The following NAALADL2 variants were observed in gnomAD, a reference collection of about 807,000 sequenced individuals.
NAALADL2 encodes the protein N-acetylated alpha-linked acidic dipeptidase like 2.
Under a neutral mutation model 87.2 loss-of-function variants are expected in NAALADL2, and 76 were observed. That is an observed-to-expected ratio of 0.87 (90% CI 0.72 to 1.05). The LOEUF is 1.05. Ranked by LOEUF, NAALADL2 falls within the 50% of genes least tolerant of loss-of-function variation. NAALADL2 has a pLI of 0.00. For synonymous variants in NAALADL2, 354 were observed against 331.0 expected (o/e 1.07, Z -0.75); for missense variants, 1,089 against 945.8 (o/e 1.15, Z -1.99).
rs1743777058 is a variant in NAALADL2 at position 175,223,888 on chromosome 3, A to G, written c.546-10043A>G. Among the ~76,000 whole-genome samples, 6 of 152,202 alleles carry G rather than the reference A, an allele frequency of 3.9e-5. No individual in the cohort carries two copies. The South Asian group carries it at 1.2e-3, about 31-fold the overall frequency. ...ACATTTGTAAATGTCTGGAGGTACTAGAGACTATGCTAAGGACTTTACATA... is the reference window on the plus strand; with the variant it reads ...ACATTTGTAAATGTCTGGAGGTACTGGAGACTATGCTAAGGACTTTACATA... On this transcript the variant is annotated intron_variant, in intron 2 of 13. Coordinates refer to ENST00000454872, the MANE Select transcript of NAALADL2 (RefSeq NM_207015.3).
At chr3:174,870,435 TGAG>T (rs1009546306) in intron 1 of NAALADL2, among the ~76,000 whole-genome samples, 1 of 152,150 alleles carries the variant, frequency 6.6e-6, no homozygotes, top group Admixed American at 6.6e-5. Context: ...ACTGAAATGA[TGAG>T]GACCTACTTT....
intron 9 of NAALADL2, among the ~76,000 whole-genome samples, chr3:175,529,109 A>G (rs1733781227): frequency 6.6e-6 from 1 of 152,210 alleles, no homozygotes; most frequent in Non-Finnish European, 1.5e-5. Flanking sequence ...ATCACAGGGC[A>G]TGGTAATACT....
chr3:174,522,467 C>T (rs901829374), intron 1 of NAALADL2, among the ~76,000 whole-genome samples: 20 of 151,802 alleles, frequency 1.3e-4, no homozygotes, highest in African/African-American at 4.6e-4. Context: ...TTGAGACCAG[C>T]TTGGATAACA....
chr3:175,653,205 G>A (rs1444342310), intron 11 of NAALADL2, among the ~76,000 whole-genome samples: 1 of 151,958 alleles, frequency 6.6e-6, no homozygotes, highest in Non-Finnish European at 1.5e-5. Context: ...ATATGGAGGA[G>A]ATGGAAGGGG....
intron 2 of NAALADL2, among the ~76,000 whole-genome samples, chr3:175,153,262 C>T (rs1731818603): frequency 6.6e-6 from 1 of 152,136 alleles, no homozygotes; most frequent in Non-Finnish European, 1.5e-5. Flanking sequence ...CCTGCTCCTC[C>T]CAGTCTCCAG....
At chr3:174,812,995 T>C (rs1288417502) in intron 3 of NAALADL2, among the ~76,000 whole-genome samples, 1 of 152,132 alleles carries the variant, frequency 6.6e-6, no homozygotes, top group African/African-American at 2.4e-5. Context: ...AAGAAAAACA[T>C]TTTAAATATA....
chr3:175,398,118 A>G (rs1770049888), intron 5 of NAALADL2, among the ~76,000 whole-genome samples: 1 of 152,098 alleles, frequency 6.6e-6, no homozygotes, highest in Admixed American at 6.6e-5. Flanking sequence ...TTTGGAGTGA[A>G]GGGAAGTGTG....
chr3:175,101,569 T>G (rs141088180), intron 2 of NAALADL2, among the ~76,000 whole-genome samples: 1,946 of 152,354 alleles, frequency 0.013, 48 homozygotes, highest in African/African-American at 0.044. Context: ...ATAATTGCTG[T>G]TTTGCCATCG....
At chr3:174,512,853 A>T (rs1487405516) in intron 1 of NAALADL2, among the ~76,000 whole-genome samples, 1 of 152,146 alleles carries the variant, frequency 6.6e-6, no homozygotes, top group Admixed American at 6.5e-5. Flanking sequence ...TGGTTTTCTT[A>T]ATAAGATGGG....
At chr3:174,930,262 A>AT (rs1736664837) in intron 1 of NAALADL2, among the ~76,000 whole-genome samples, 1 of 152,066 alleles carries the variant, frequency 6.6e-6, no homozygotes, top group Non-Finnish European at 1.5e-5. Context: ...TAGTGGGTTT[A>AT]TTTTTTATAT....
chr3:174,566,537 C>T (rs1418618676), intron 2 of NAALADL2, among the ~76,000 whole-genome samples: 4 of 151,778 alleles, frequency 2.6e-5, no homozygotes, highest in African/African-American at 9.6e-5. Context: ...TTAGTCATTT[C>T]TCTTCATATA....
intron 4 of NAALADL2, among the ~76,000 whole-genome samples, chr3:175,309,475 T>G (rs1246578923): frequency 3.3e-5 from 5 of 152,072 alleles, no homozygotes; most frequent in Admixed American, 2.6e-4. Context: ...CATGAGCCAC[T>G]GTGCCCAGCC....
intron 12 of NAALADL2, among the ~76,000 whole-genome samples, chr3:175,743,578 T>A (rs11717718): frequency 0.25 from 37,885 of 152,144 alleles, 5,132 homozygotes; most frequent in African/African-American, 0.35. Context: ...ACGTGAAGGA[T>A]GTATGTAATG....
intron 2 of NAALADL2, among the ~76,000 whole-genome samples, chr3:174,568,404 C>A (rs1714542384): frequency 6.6e-6 from 1 of 151,734 alleles, no homozygotes; most frequent in Admixed American, 6.6e-5. Context: ...TTTCACCACA[C>A]CGTATTGCTT....
chr3:175,497,538 C>T (rs1728982315), intron 9 of NAALADL2, among the ~76,000 whole-genome samples: 1 of 152,054 alleles, frequency 6.6e-6, no homozygotes, highest in Non-Finnish European at 1.5e-5. Context: ...TTGTAAATGT[C>T]TAAGGAGTAG....
At chr3:174,855,575 AT>A (rs1216710627), upstream of NAALADL2, among the ~76,000 whole-genome samples, 2 of 151,558 alleles carry the variant, frequency 1.3e-5, no homozygotes, top group Non-Finnish European at 2.9e-5. Flanking sequence ...CCAACTGAAA[AT>A]TTTCTATCAT....
intron 2 of NAALADL2, among the ~76,000 whole-genome samples, chr3:175,105,200 C>T (rs963633101): frequency 2.0e-5 from 3 of 152,092 alleles, no homozygotes; most frequent in Non-Finnish European, 4.4e-5. Context: ...CTTTGCAACC[C>T]ACAGTACTTC....
At chr3:174,512,702 C>A (rs988519112) in intron 1 of NAALADL2, among the ~76,000 whole-genome samples, 2 of 151,996 alleles carry the variant, frequency 1.3e-5, no homozygotes, top group Non-Finnish European at 2.9e-5. Flanking sequence ...AGTGAGATAG[C>A]AAAGCTCTGT....
At chr3:175,426,130 A>C (rs1256687374) in intron 5 of NAALADL2, among the ~76,000 whole-genome samples, 1 of 152,118 alleles carries the variant, frequency 6.6e-6, no homozygotes, top group African/African-American at 2.4e-5. Flanking sequence ...TTGGGAGGCC[A>C]AGGCGGGCGG....
Sources: gnomAD v4.1 joint callset for allele counts (sites outside exome capture counted in the v4.1 genomes callset) on GRCh38, gnomAD v4.1.1 for gene constraint, MANE v1.5 for transcripts, NCBI Gene and HGNC (gene_info 2026-07-23, HGNC 2026-07-21) for gene names.